The following SNTG1 variants were observed in gnomAD, a reference collection of about 807,000 sequenced individuals.
The protein encoded by SNTG1 is syntrophin gamma 1.
Under a neutral mutation model 74.7 loss-of-function variants are expected in SNTG1, and 39 were observed. That is an observed-to-expected ratio of 0.52 (90% CI 0.40 to 0.68). The LOEUF (loss-of-function observed/expected upper bound fraction) is 0.68, where lower values mean the gene tolerates loss of function less well. SNTG1 is among the 30% of genes least tolerant of loss of function. SNTG1 has a pLI of 0.00. For missense variants in SNTG1, 685 were observed against 609.5 expected (o/e 1.12, Z -1.30); for synonymous variants, 254 against 217.1 (o/e 1.17, Z -1.49).
intron 10 of SNTG1, among the ~76,000 whole-genome samples, chr8:50,533,455 G>A (rs575374647): frequency 1.3e-5 from 2 of 152,190 alleles, no homozygotes; most frequent in South Asian, 2.1e-4. Context: ...TAATATTGTA[G>A]GAAACAACAT....
chr8:50,165,180 C>A (rs2082570657), intron 1 of SNTG1, among the ~76,000 whole-genome samples: 1 of 152,122 alleles, frequency 6.6e-6, no homozygotes, highest in Admixed American at 6.6e-5. Context: ...GAGCAATTAG[C>A]TTCATATTGC....
chr8:50,001,005 A>G (rs1012041774), intron 1 of SNTG1, among the ~76,000 whole-genome samples: 2 of 152,222 alleles, frequency 1.3e-5, no homozygotes, highest in Non-Finnish European at 2.9e-5. Context: ...ACAAAGCAGG[A>G]CAATAGTTGA....
rs572939219 is a variant in SNTG1, at chr8:50,332,389, C to T, written c.-27-61823C>T. Among the ~76,000 whole-genome samples the T allele has an allele frequency of 3.3e-5, 5 of 151,934 alleles. No homozygotes were observed. In the South Asian group the frequency reaches 1.0e-3, roughly 32 times the overall value. ...GTGCCCTCGTGTACATCCATGGCCC[C>T]CACCAGGCAAGAAAACAGAGTCCCC... On this transcript the variant is annotated intron_variant, in intron 2 of 18. Transcript: ENST00000642720.
At chr8:50,640,497 ATTC>A (rs1250022319) in intron 13 of SNTG1, among the ~76,000 whole-genome samples, 3 of 152,136 alleles carry the variant, frequency 2.0e-5, no homozygotes, top group Admixed American at 6.5e-5. Flanking sequence ...ATGGATAGGT[ATTC>A]TTCTTGCTCC....
intron 15 of SNTG1, among the ~76,000 whole-genome samples, chr8:50,666,279 A>T (rs1410870311): frequency 6.6e-6 from 1 of 152,144 alleles, no homozygotes; most frequent in Non-Finnish European, 1.5e-5. Context: ...TTAGGAAAAG[A>T]TCAAGGCATT....
chr8:50,354,251 G>A (rs1365148697), intron 2 of SNTG1, among the ~76,000 whole-genome samples: 1 of 152,158 alleles, frequency 6.6e-6, no homozygotes, highest in Non-Finnish European at 1.5e-5. Flanking sequence ...TATGTCTGGA[G>A]CAAATAGTCA....
chr8:50,338,956 T>C (rs2091236683), intron 2 of SNTG1, among the ~76,000 whole-genome samples: 1 of 151,904 alleles, frequency 6.6e-6, no homozygotes, highest in African/African-American at 2.4e-5. Flanking sequence ...AAACAGAATA[T>C]ACAGAAACTA....
At chr8:50,343,299 C>A (rs2091374713) in intron 2 of SNTG1, among the ~76,000 whole-genome samples, 1 of 152,110 alleles carries the variant, frequency 6.6e-6, no homozygotes, top group African/African-American at 2.4e-5. Flanking sequence ...AGTTTATAAA[C>A]CAAACACTAA....
chr8:50,659,925 C>A (rs992706832), intron 15 of SNTG1, among the ~76,000 whole-genome samples: 1 of 150,986 alleles, frequency 6.6e-6, no homozygotes, highest in African/African-American at 2.4e-5. Context: ...CTGCAACCTC[C>A]ACCTCCCAGG....
intron 2 of SNTG1, among the ~76,000 whole-genome samples, chr8:50,315,493 G>A (rs764082132): frequency 8.0e-5 from 12 of 149,746 alleles, no homozygotes; most frequent in Non-Finnish European, 1.8e-4. Flanking sequence ...CTATTTAAGA[G>A]TAGATAAAAA....
chr8:50,581,946 G>A lies in SNTG1; in HGVS notation c.811-8933G>A, dbSNP rs2094612784. Among the ~76,000 whole-genome samples the A allele has an allele frequency of 2.0e-5, 3 of 152,308 alleles. No individual in the cohort carries two copies. In the South Asian group the frequency reaches 6.2e-4, roughly 32 times the overall value. ...CCATGCAAAGGATAAGATGCTTGAA[G>A]GAGGTTAAGAAATTTCTTGTGGAGT... On this transcript the variant is annotated intron_variant, in intron 12 of 18. Coordinates refer to ENST00000642720, the MANE Select transcript of SNTG1 (RefSeq NM_018967.5).
chr8:50,402,010 C>T (rs375166214), intron 3 of SNTG1, among the ~76,000 whole-genome samples, 200 bp from the exon 4 acceptor site: 1 of 152,022 alleles, frequency 6.6e-6, no homozygotes, highest in Non-Finnish European at 1.5e-5. Flanking sequence ...TTTCATTATC[C>T]GAGTGTTCAC....
At chr8:50,086,502 T>C (rs1268588567) in intron 1 of SNTG1, among the ~76,000 whole-genome samples, 1 of 152,060 alleles carries the variant, frequency 6.6e-6, no homozygotes. Flanking sequence ...AGGGAGATAA[T>C]TTTTTAGGCT....
intron 1 of SNTG1, among the ~76,000 whole-genome samples, chr8:49,982,498 A>G (rs1812772446): frequency 6.6e-6 from 1 of 151,660 alleles, no homozygotes; most frequent in South Asian, 2.1e-4. Context: ...AATATCACAT[A>G]TATGTATACA....
intron 2 of SNTG1, among the ~76,000 whole-genome samples, chr8:50,344,957 G>C (rs2091429464): frequency 6.6e-6 from 1 of 152,168 alleles, no homozygotes. Flanking sequence ...ACATACAAAA[G>C]AATAGCAGGG....
At chr8:50,255,518 C>T (rs554642618) in intron 2 of SNTG1, among the ~76,000 whole-genome samples, 20 of 152,106 alleles carry the variant, frequency 1.3e-4, no homozygotes, top group Non-Finnish European at 2.8e-4. Context: ...AGTTGCTGGC[C>T]ATGTTGTTTC....
chr8:49,937,102 T>G (rs957906519), intron 1 of SNTG1, among the ~76,000 whole-genome samples: 1 of 152,104 alleles, frequency 6.6e-6, no homozygotes, highest in African/African-American at 2.4e-5. Context: ...TGAGCCAAGA[T>G]AGCGCCACTG....
intron 17 of SNTG1, among the ~76,000 whole-genome samples, chr8:50,733,566 T>C (rs2131628813): frequency 6.6e-6 from 1 of 152,070 alleles, no homozygotes; most frequent in East Asian, 1.9e-4. Context: ...TAACACTCTC[T>C]TTTCTCTTCA....
At chr8:50,133,716 T>C (rs1459636485) in intron 1 of SNTG1, among the ~76,000 whole-genome samples, 4 of 152,128 alleles carry the variant, frequency 2.6e-5, no homozygotes, top group Non-Finnish European at 4.4e-5. Flanking sequence ...GGCATCCTCA[T>C]TGTGTGTCTC....
Sources: gnomAD v4.1 joint callset for allele counts (sites outside exome capture counted in the v4.1 genomes callset) on GRCh38, gnomAD v4.1.1 for gene constraint, MANE v1.5 for transcripts, NCBI Gene and HGNC (gene_info 2026-07-23, HGNC 2026-07-21) for gene names.